The following MYO1B variants were observed in gnomAD, a reference collection of about 807,000 sequenced individuals.
MYO1B encodes the protein unconventional myosin-Ib.
A neutral mutation model predicts 159.7 loss-of-function variants in MYO1B; 72 were observed. The ratio of observed to expected loss-of-function variants is 0.45; its 90% CI spans 0.37 to 0.55. The LOEUF (loss-of-function observed/expected upper bound fraction) is 0.55, where lower values mean the gene tolerates loss of function less well. MYO1B is among the 20% of genes least tolerant of loss of function. MYO1B has a pLI of 0.00. For missense variants in MYO1B, 1,062 were observed against 1,364.8 expected (o/e 0.78, Z 3.50); for synonymous variants, 468 against 473.8 (o/e 0.99, Z 0.16).
At position 191,424,001 on chromosome 2, in the gene MYO1B, A is replaced by G; in HGVS notation, c.*41A>G. ...TACTTTCATGGACTTGTTCCTTTGT[A>G]ATAGTGCAATTTGGTTTTGTTTTAT... On this transcript the variant is annotated 3_prime_UTR_variant, in exon 31 of 31. Coordinates refer to ENST00000392318, the MANE Select transcript of MYO1B (RefSeq NM_001130158.3). 6.3e-7 allele frequency: 1 copy of G among 1,582,136 alleles called. No homozygotes were observed. Among genetic ancestry groups the G allele is most frequent in the Non-Finnish European group, 8.6e-7 (1 of 1,164,958 alleles).
chr2:191,253,266 T>G (rs1448886305), intron 1 of MYO1B, among the ~76,000 whole-genome samples: 2 of 152,184 alleles, frequency 1.3e-5, no homozygotes, highest in African/African-American at 4.8e-5. Flanking sequence ...ATGTCACCAT[T>G]GTACCACGTT....
intron 1 of MYO1B, chr2:191,263,148 T>G (rs1258122545): frequency 6.2e-6 from 1 of 160,936 alleles, no homozygotes; most frequent in Non-Finnish European, 1.3e-5. Context: ...GTATCCATGA[T>G]GGACTCTCGA....
Position 191,402,631 on chromosome 2 carries a change from G to T in MYO1B, c.2470-1G>T. Reference sequence around the variant, plus strand: ...TTTATTTACTATCTAAAACATTCTAGGCTCGAAGGGAATTGAAACGCTTGA... The same window carrying T: ...TTTATTTACTATCTAAAACATTCTATGCTCGAAGGGAATTGAAACGCTTGA... On this transcript the variant is annotated splice_acceptor_variant, in intron 23 of 30. Coordinates refer to ENST00000392318, the MANE Select transcript of MYO1B (RefSeq NM_001130158.3). LOFTEE classifies it high-confidence loss of function. 6.2e-7 allele frequency: 1 copy of T among 1,613,202 alleles called. No homozygotes were observed.
chr2:191,286,827 G>T (rs977894471), intron 2 of MYO1B, among the ~76,000 whole-genome samples: 5 of 152,120 alleles, frequency 3.3e-5, no homozygotes, highest in African/African-American at 1.2e-4. Context: ...CAGGTATTCA[G>T]GAGGCTGAGG....
intron 2 of MYO1B, among the ~76,000 whole-genome samples, chr2:191,285,310 C>T (rs1688300186): frequency 6.6e-6 from 1 of 152,172 alleles, no homozygotes; most frequent in African/African-American, 2.4e-5. Context: ...TGGCGTTGAA[C>T]TCATATATAG....
At chr2:191,282,397 C>T (rs1216737839) in intron 2 of MYO1B, among the ~76,000 whole-genome samples, 1 of 152,140 alleles carries the variant, frequency 6.6e-6, no homozygotes, top group Non-Finnish European at 1.5e-5. Flanking sequence ...TGGTGGAGAG[C>T]AGGGCTGGAG....
chr2:191,277,047 G>C lies in MYO1B; in HGVS notation c.135+17G>C, dbSNP rs780172526. 6.2e-7 allele frequency: 1 copy of C among 1,610,964 alleles called. No individual in the cohort carries two copies. Among genetic ancestry groups the C allele is most frequent in the South Asian group, 1.1e-5 (1 of 90,454 alleles). On this transcript the variant is annotated intron_variant, in intron 2 of 30. Transcript: ENST00000392318. ...GAAATATACGTAAGTACACACGAAG[G>C]TCATCTGTAATGTTTAGACTTTGTA...
chr2:191,332,240 G>A (rs1691534801), intron 4 of MYO1B, among the ~76,000 whole-genome samples: 1 of 150,382 alleles, frequency 6.6e-6, no homozygotes, highest in Non-Finnish European at 1.5e-5. Flanking sequence ...TGGGATTACA[G>A]GCGCGAGCCA....
intron 26 of MYO1B, 28 bp downstream of exon 26, chr2:191,409,206 G>A (rs1195733739): frequency 7.6e-6 from 12 of 1,588,832 alleles, no homozygotes; most frequent in Middle Eastern, 1.7e-4. Context: ...ACATCTTTTC[G>A]GAGACTTTCT....
chr2:191,345,580 C>T (rs951632865), intron 5 of MYO1B, among the ~76,000 whole-genome samples: 2 of 152,106 alleles, frequency 1.3e-5, no homozygotes, highest in Non-Finnish European at 2.9e-5. Flanking sequence ...AAGATTGGAA[C>T]ATTTGTATTT....
chr2:191,296,956 C>T (rs1689018813), intron 3 of MYO1B, among the ~76,000 whole-genome samples: 1 of 152,166 alleles, frequency 6.6e-6, no homozygotes, highest in African/African-American at 2.4e-5. Context: ...GGTTATTCAA[C>T]CCTAGAACTT....
At chr2:191,259,737 T>G (rs1478803196) in intron 1 of MYO1B, among the ~76,000 whole-genome samples, 1 of 152,122 alleles carries the variant, frequency 6.6e-6, no homozygotes, top group Non-Finnish European at 1.5e-5. Context: ...AGGTAATGGA[T>G]GGAGTGACTT....
rs118037562 is a variant in MYO1B, at chr2:191,265,149, A to T, written c.-9-11738A>T. On this transcript the variant is annotated intron_variant, in intron 1 of 30. Transcript: ENST00000392318. ...CACTAAATTCAGTACATTTCTCTCC[A>T]TTGTCACTAAAAGAGCCTGAACGAT... Among the ~76,000 whole-genome samples the T allele has an allele frequency of 6.5e-4, 97 of 150,250 alleles. 1 individual carries two copies. In the East Asian group the frequency reaches 0.013, roughly 21 times the overall value.
At chr2:191,385,018 G>A (rs1695318599) in intron 15 of MYO1B, among the ~76,000 whole-genome samples, 1 of 152,250 alleles carries the variant, frequency 6.6e-6, no homozygotes, top group Non-Finnish European at 1.5e-5. Context: ...TAGCAGAAGG[G>A]GAGAGGAACA....
chr2:191,324,243 T>C lies in MYO1B; in HGVS notation c.252-5692T>C, dbSNP rs1255161772. On this transcript the variant is annotated intron_variant, in intron 3 of 30. Coordinates refer to ENST00000392318, the MANE Select transcript of MYO1B (RefSeq NM_001130158.3). Reference sequence around the variant, plus strand: ...CAGTATTTTGTCCACTGACATTTAATGTAATATTCGACATGGTTGGATTTA... The same window carrying C: ...CAGTATTTTGTCCACTGACATTTAACGTAATATTCGACATGGTTGGATTTA... 3.9e-5 allele frequency among the ~76,000 whole-genome samples: 6 copies of C among 152,186 alleles called. 1 individual carries two copies. The highest frequency in any genetic ancestry group is 2.0e-4 in the Admixed American group (3 of 15,266).
In MYO1B at chr2:191,249,177, T is replaced by G. The variant is rs191738222; in HGVS notation, c.-10+3551T>G. Reference sequence around the variant, plus strand: ...TATCTTACAGCCTTTAATAGAACATTGCACTTTGCTTCTTAACTGAGACCC... The same window carrying G: ...TATCTTACAGCCTTTAATAGAACATGGCACTTTGCTTCTTAACTGAGACCC... On this transcript the variant is annotated intron_variant, in intron 1 of 30. Coordinates refer to ENST00000392318, the MANE Select transcript of MYO1B (RefSeq NM_001130158.3). 1.2e-3 allele frequency among the ~76,000 whole-genome samples: 179 copies of G among 152,320 alleles called. 1 individual carries two copies. The highest frequency in any genetic ancestry group is 4.4e-3 in the Admixed American group (67 of 15,306).
intron 30 of MYO1B, among the ~76,000 whole-genome samples, chr2:191,419,343 C>CGAGT (rs1697785664): frequency 6.6e-6 from 1 of 151,916 alleles, no homozygotes; most frequent in Non-Finnish European, 1.5e-5. Flanking sequence ...CTCAGCCTCC[C>CGAGT]GAGTAGCTGG....
At chr2:191,258,716 T>A (rs1686610219) in intron 1 of MYO1B, among the ~76,000 whole-genome samples, 1 of 152,170 alleles carries the variant, frequency 6.6e-6, no homozygotes, top group Non-Finnish European at 1.5e-5. Flanking sequence ...CTCCACTTCA[T>A]ACACACTAAT....
rs563699811 is a variant in MYO1B at position 191,259,241 on chromosome 2, A to C, written c.-10+13615A>C. On this transcript the variant is annotated intron_variant, in intron 1 of 30. Coordinates refer to ENST00000392318, the MANE Select transcript of MYO1B (RefSeq NM_001130158.3). ...TGAAGATCTCATGCCGTGGGCTGCA[A>C]GCATAATAGGATTTAGGGGGAAACT... is the stretch of plus-strand genomic sequence containing the variant. 1.1e-4 allele frequency among the ~76,000 whole-genome samples: 16 copies of C among 152,340 alleles called. No individual in the cohort carries two copies. The East Asian group carries it at 3.1e-3, about 29-fold the overall frequency.
Sources: allele counts gnomAD v4.1 joint callset (sites outside exome capture counted in the v4.1 genomes callset), GRCh38; gene constraint gnomAD v4.1.1; transcripts MANE v1.5; gene names NCBI Gene and HGNC (gene_info 2026-07-23, HGNC 2026-07-21).